The following MXD1 variants were observed in gnomAD, a reference collection of about 807,000 sequenced individuals.
MXD1 encodes the protein MAX dimerization protein 1, also known as MAX-binding protein.
Under a neutral mutation model 25.7 loss-of-function variants are expected in MXD1, and 9 were observed. That is an observed-to-expected ratio of 0.35 (90% CI 0.21 to 0.61). The LOEUF (loss-of-function observed/expected upper bound fraction) is 0.61. MXD1 is among the 20% of genes least tolerant of loss of function. The pLI, the probability that MXD1 is intolerant of heterozygous loss-of-function variation, is 0.75. For synonymous variants in MXD1, 99 were observed against 113.9 expected, an observed-to-expected ratio of 0.87 and a Z score of 0.83; for missense variants, 227 against 292.4, an observed-to-expected ratio of 0.78 and a Z score of 1.63.
chr2:69,919,058 A>G (rs1213161702), intron 2 of MXD1, among the ~76,000 whole-genome samples: 4 of 152,248 alleles, frequency 2.6e-5, no homozygotes, highest in Admixed American at 2.0e-4. Flanking sequence ...CTGTAGTTTT[A>G]AAAATTTTGT....
chr2:69,926,526 T>C (rs2104179819), intron 3 of MXD1, among the ~76,000 whole-genome samples: 1 of 152,358 alleles, frequency 6.6e-6, no homozygotes, highest in Non-Finnish European at 1.5e-5. Flanking sequence ...GGATTTGGTA[T>C]GTGCCTTAAT....
rs1677570222 is a variant in MXD1, at chr2:69,940,477, G to A, written c.*2193G>A. ...TGTGGGCTTGCACTGGGGGAGGGAA[G>A]GGAACAAAATTTGTGTACTTCTTTG... On this transcript the variant is annotated 3_prime_UTR_variant, in exon 6 of 6. Coordinates refer to ENST00000264444, the MANE Select transcript of MXD1 (RefSeq NM_002357.4). 6.6e-6 allele frequency: 1 copy of A among 152,580 alleles called. No individual in the cohort carries two copies. Among genetic ancestry groups the A allele is most frequent in the African/African-American group, 2.4e-5 (1 of 41,420 alleles). The allele number at this position is 152,580 out of a possible 1,614,324, so 9.5% of individuals were successfully genotyped here.
intron 3 of MXD1, among the ~76,000 whole-genome samples, chr2:69,930,969 A>G (rs1184375579): frequency 6.6e-6 from 1 of 152,230 alleles, no homozygotes; most frequent in Non-Finnish European, 1.5e-5. Context: ...TAATTTGCCC[A>G]GGGTCACACA....
At chr2:69,917,721 C>A (rs1676986390) in intron 2 of MXD1, among the ~76,000 whole-genome samples, 1 of 151,482 alleles carries the variant, frequency 6.6e-6, no homozygotes, top group Non-Finnish European at 1.5e-5. Context: ...GTTGAAGTGG[C>A]TTGGTCCCAA....
chr2:69,924,894 T>C (rs537400552), intron 3 of MXD1, among the ~76,000 whole-genome samples: 2 of 152,336 alleles, frequency 1.3e-5, no homozygotes, highest in South Asian at 4.1e-4. Flanking sequence ...CTTTAGAGAT[T>C]GTAAATAATT....
At position 69,921,785 on chromosome 2, in the gene MXD1, G is replaced by A. The variant is rs768944308; in HGVS notation, c.203+20G>A. 2 of 1,609,474 alleles carry A rather than the reference G, an allele frequency of 1.2e-6. No homozygotes were observed. Among genetic ancestry groups the A allele is most frequent in the Non-Finnish European group, 1.7e-6 (2 of 1,177,758 alleles). Reference sequence around the variant, plus strand: ...GAATAGGTGAGTTGGGGATTTGGGAGGTGGAATGCGGGGAGCTTTGTTGCA... The same window carrying A: ...GAATAGGTGAGTTGGGGATTTGGGAAGTGGAATGCGGGGAGCTTTGTTGCA... On this transcript the variant is annotated intron_variant, in intron 3 of 5. Transcript: ENST00000264444.
At chr2:69,928,403 T>C (rs1233647731) in intron 3 of MXD1, among the ~76,000 whole-genome samples, 1 of 152,168 alleles carries the variant, frequency 6.6e-6, no homozygotes, top group Non-Finnish European at 1.5e-5. Context: ...AGAATATGTT[T>C]GGTAAGAGCA....
chr2:69,924,807 G>A (rs1276894080), intron 3 of MXD1, among the ~76,000 whole-genome samples: 1 of 152,168 alleles, frequency 6.6e-6, no homozygotes, highest in Middle Eastern at 3.4e-3. Context: ...CTAACAGTGG[G>A]ATTTTCCCTT....
Position 69,939,464 on chromosome 2 carries a change from A to T in MXD1, c.*1180A>T, listed in dbSNP as rs1268058117. 1 of 152,638 alleles carries T rather than the reference A, an allele frequency of 6.6e-6. No homozygotes were observed. Among genetic ancestry groups the T allele is most frequent in the African/African-American group, 2.4e-5 (1 of 41,458 alleles). 9.5% of individuals were successfully genotyped at this position (152,638 alleles called of 1,614,324 possible). A position where few individuals can be genotyped will look rare whatever the true frequency, so the allele number is the denominator to read the frequency against. On this transcript the variant is annotated 3_prime_UTR_variant, in exon 6 of 6. Coordinates refer to ENST00000264444, the MANE Select transcript of MXD1 (RefSeq NM_002357.4). ...TCCGACTTTGTAGCATTTTTATTTA[A>T]GCTAAAACAGAGCACATGTATATGT...
Position 69,938,364 on chromosome 2 carries a change from C to A in MXD1, c.*80C>A. On this transcript the variant is annotated 3_prime_UTR_variant, in exon 6 of 6. Coordinates refer to ENST00000264444, the MANE Select transcript of MXD1 (RefSeq NM_002357.4). ...GGTAACGTATTGGACCTGCCCACAA[C>A]TCCCTTGCACGTAAACTTCAGTGTC... 1.4e-6 allele frequency: 2 copies of A among 1,433,566 alleles called. No individual in the cohort carries two copies. The highest frequency in any genetic ancestry group is 1.9e-6 in the Non-Finnish European group (2 of 1,043,328). 88.8% of individuals were successfully genotyped at this position (1,433,566 alleles called of 1,614,324 possible). A position where few individuals can be genotyped will look rare whatever the true frequency, so the allele number is the denominator to read the frequency against.
Position 69,938,071 on chromosome 2 carries a change from G to T in MXD1, c.479-26G>T, listed in dbSNP as rs772174539. On this transcript the variant is annotated intron_variant, in intron 5 of 5. Transcript: ENST00000264444. ...CTTTCTGCAGAGCGCTTTCATCAAT[G>T]TCCTTCTCTCTTGTCCTCCCTGCAG... The T allele has an allele frequency of 5.6e-6, 9 of 1,607,890 alleles. No homozygotes were observed. The East Asian group carries it at 2.0e-4, about 36-fold the overall frequency.
chr2:69,921,602 C>A, intron 2 of MXD1, 134 bp from the exon 3 acceptor site: 1 of 612,666 alleles, frequency 1.6e-6, no homozygotes, highest in Admixed American at 3.7e-5. Flanking sequence ...TAGTAGAGCC[C>A]AGTGAATTTT....
rs754466010 is a variant in MXD1 at position 69,927,402 on chromosome 2, C to T, written c.203+5637C>T. ...AGGTTATTACGAAGGAGAGACACAG[C>T]GATCAGTGTATAAATCCAATCTATA... On this transcript the variant is annotated intron_variant, in intron 3 of 5. Transcript: ENST00000264444. 5.3e-5 allele frequency among the ~76,000 whole-genome samples: 8 copies of T among 152,270 alleles called. 1 individual carries two copies. Among genetic ancestry groups the T allele is most frequent in the South Asian group, 4.1e-4 (2 of 4,828 alleles).
intron 3 of MXD1, among the ~76,000 whole-genome samples, chr2:69,933,126 G>A (rs1170700980): frequency 6.8e-6 from 1 of 147,496 alleles, no homozygotes; most frequent in African/African-American, 2.5e-5. Flanking sequence ...TTGAGCCTGG[G>A]AGGCAGAGGT....
rs2104228739 is a variant in MXD1 at position 69,942,206 on chromosome 2, A to G, written c.*3922A>G. 6.6e-6 allele frequency: 1 copy of G among 152,268 alleles called. No homozygotes were observed. Among genetic ancestry groups the G allele is most frequent in the South Asian group, 2.1e-4 (1 of 4,828 alleles). The allele number at this position is 152,268 out of a possible 1,614,324, so 9.4% of individuals were successfully genotyped here. ...GCGTGTCTAGTAGCTGGCTACTCCT[A>G]TTTAAAAACTCTTCCTGGTAGAAGA... is the stretch of plus-strand genomic sequence containing the variant. On this transcript the variant is annotated 3_prime_UTR_variant, in exon 6 of 6. Coordinates refer to ENST00000264444, the MANE Select transcript of MXD1 (RefSeq NM_002357.4).
chr2:69,918,692 C>G (rs1677004711), intron 2 of MXD1, among the ~76,000 whole-genome samples: 1 of 152,090 alleles, frequency 6.6e-6, no homozygotes, highest in African/African-American at 2.4e-5. Context: ...TCCTGGTTAT[C>G]TCAGATACGC....
chr2:69,933,310 C>A (rs571615942), intron 3 of MXD1, among the ~76,000 whole-genome samples: 1 of 150,544 alleles, frequency 6.6e-6, no homozygotes, highest in South Asian at 2.1e-4. Context: ...CATAGTGTTT[C>A]TAATAACATG....
chr2:69,924,714 G>C (rs549533828), intron 3 of MXD1, among the ~76,000 whole-genome samples: 1 of 150,424 alleles, frequency 6.6e-6, no homozygotes, highest in Non-Finnish European at 1.5e-5. Flanking sequence ...TTGGCCTTTT[G>C]GCTAAAATCA....
chr2:69,942,782 C>T lies in MXD1; in HGVS notation c.*4498C>T, dbSNP rs1480960328. The T allele has an allele frequency of 6.6e-6, 1 of 152,130 alleles. No individual in the cohort carries two copies. The highest frequency in any genetic ancestry group is 1.5e-5 in the Non-Finnish European group (1 of 68,024). The allele number at this position is 152,130 out of a possible 1,614,324, so 9.4% of individuals were successfully genotyped here. A position where few individuals can be genotyped will look rare whatever the true frequency, so the allele number is the denominator to read the frequency against. ...ATGTTTCTTTATGTAAATATGACGC[C>T]AATGTAAATCCTGTGTCAAGATCAT... On this transcript the variant is annotated 3_prime_UTR_variant, in exon 6 of 6. Coordinates refer to ENST00000264444, the MANE Select transcript of MXD1 (RefSeq NM_002357.4).
Sources: gnomAD v4.1 joint callset for allele counts (sites outside exome capture counted in the v4.1 genomes callset) on GRCh38, gnomAD v4.1.1 for gene constraint, MANE v1.5 for transcripts, NCBI Gene and HGNC (gene_info 2026-07-23, HGNC 2026-07-21) for gene names.